KIF16B: variants seen among roughly 807,000 people sequenced by gnomAD.
The protein encoded by KIF16B is kinesin-like protein KIF16B.
In KIF16B, 98 loss-of-function variants were observed where a neutral mutation model predicts 156.3. The observed-to-expected ratio is 0.63, with a 90% CI of 0.53 to 0.74. The LOEUF (loss-of-function observed/expected upper bound fraction) is 0.74. KIF16B is among the 30% of genes least tolerant of loss of function. The pLI is 0.00. For missense variants in KIF16B, 1,421 were observed against 1,606.5 expected, an observed-to-expected ratio of 0.88 and a Z score of 1.97; for synonymous variants, 564 against 583.7, an observed-to-expected ratio of 0.97 and a Z score of 0.49.
At chr20:16,412,347 A>C (rs1600329122) in intron 15 of KIF16B, among the ~76,000 whole-genome samples, 1 of 152,084 alleles carries the variant, frequency 6.6e-6, no homozygotes, top group Admixed American at 6.6e-5. Context: ...AAGGAAATGC[A>C]GATGTACTGG....
At chr20:16,562,744 A>G (rs370053965) in intron 1 of KIF16B, among the ~76,000 whole-genome samples, 3 of 152,234 alleles carry the variant, frequency 2.0e-5, no homozygotes, top group African/African-American at 7.2e-5. Flanking sequence ...ACACACGTAT[A>G]CATTCATAAA....
intron 1 of KIF16B, among the ~76,000 whole-genome samples, chr20:16,558,645 G>A (rs2070942790): frequency 6.6e-6 from 1 of 152,256 alleles, no homozygotes; most frequent in Admixed American, 6.5e-5. Flanking sequence ...GCTCACGCCT[G>A]TAATCCCAAC....
intron 12 of KIF16B, among the ~76,000 whole-genome samples, chr20:16,492,426 A>G (rs1275501770): frequency 1.3e-5 from 2 of 152,230 alleles, no homozygotes; most frequent in African/African-American, 4.8e-5. Context: ...TAAGATCGAG[A>G]AAGGGAAAAA....
chr20:16,335,969 C>T lies in KIF16B; in HGVS notation c.3668G>A (p.Arg1223His), dbSNP rs763964794. 93 of 1,610,260 alleles carry T rather than the reference C, an allele frequency of 5.8e-5. No individual in the cohort carries two copies. Among genetic ancestry groups the T allele is most frequent in the Non-Finnish European group, 6.6e-5 (78 of 1,178,040 alleles). Reference protein sequence around the residue: ...ETWTVFRRYSRFREMHKTLKL... With the variant: ...ETWTVFRRYSHFREMHKTLKL... ...CAATGTTTTATGCATTTCTCGAAAA[C>T]GACTGTAACGCCTGAATACAGTCCA... is the stretch of plus-strand genomic sequence containing the variant. Residue 1223 changes from arginine (R) to histidine (H), a missense_variant, in exon 24 of 26, where the codon CGT becomes CAT. Transcript: ENST00000354981.
chr20:16,572,270 T>C (rs900469183), intron 1 of KIF16B, among the ~76,000 whole-genome samples: 3 of 152,232 alleles, frequency 2.0e-5, no homozygotes, highest in African/African-American at 7.2e-5. Context: ...CTTTTGATTT[T>C]ATGGCCTTCG....
chr20:16,503,065 A>C (rs2068672442), intron 10 of KIF16B, among the ~76,000 whole-genome samples: 1 of 152,146 alleles, frequency 6.6e-6, no homozygotes, highest in South Asian at 2.1e-4. Flanking sequence ...AATACAAAAA[A>C]ATTAGCCAGG....
chr20:16,447,778 T>C (rs1427712525), intron 12 of KIF16B, among the ~76,000 whole-genome samples: 3 of 152,128 alleles, frequency 2.0e-5, no homozygotes, highest in African/African-American at 7.2e-5. Flanking sequence ...AAATATTGGT[T>C]ATATGGGCCA....
chr20:16,438,391 A>G (rs539401312), intron 12 of KIF16B, among the ~76,000 whole-genome samples: 19 of 152,328 alleles, frequency 1.2e-4, no homozygotes, highest in Admixed American at 3.3e-4. Flanking sequence ...GTATAATGTT[A>G]TCATTGCTCT....
At chr20:16,352,999 T>C (rs1020549248) in intron 23 of KIF16B, among the ~76,000 whole-genome samples, 4 of 152,212 alleles carry the variant, frequency 2.6e-5, no homozygotes, top group African/African-American at 4.8e-5. Flanking sequence ...AGGACCATCA[T>C]GCGGGATAAC....
rs138452488 is a variant in KIF16B at position 16,482,750 on chromosome 20, C to T, written c.1302+11541G>A. Among the ~76,000 whole-genome samples, 313 of 152,268 alleles carry T rather than the reference C, an allele frequency of 2.1e-3. 2 individuals carry two copies. Among genetic ancestry groups the T allele is most frequent in the African/African-American group, 7.3e-3 (302 of 41,544 alleles). On this transcript the variant is annotated intron_variant, in intron 12 of 25. Transcript: ENST00000354981. Reference sequence around the variant, plus strand: ...CTTAAGAAGTAAAAGAATGCCTCAACTCATGTGCATCTCCTGTTTGCCTTG... The same window carrying T: ...CTTAAGAAGTAAAAGAATGCCTCAATTCATGTGCATCTCCTGTTTGCCTTG...
intron 3 of KIF16B, among the ~76,000 whole-genome samples, chr20:16,521,110 T>C (rs1351021865): frequency 6.6e-6 from 1 of 151,858 alleles, no homozygotes; most frequent in Non-Finnish European, 1.5e-5. Flanking sequence ...ACGACTCCTC[T>C]CCTCCAAAGA....
In KIF16B at chr20:16,281,833, G is replaced by A. The variant is rs111305709; in HGVS notation, c.3796-8422C>T. The stretch of plus-strand genomic sequence containing the variant: ...CTGGCACCATCCTCCACTGCTCAGA[G>A]TCTCTCCTTGTTCCCATGGGTGCTT... On this transcript the variant is annotated intron_variant, in intron 25 of 25. Transcript: ENST00000354981. 1.6e-3 allele frequency among the ~76,000 whole-genome samples: 236 copies of A among 152,158 alleles called. 3 individuals carry two copies. Among genetic ancestry groups the A allele is most frequent in the African/African-American group, 5.1e-3 (211 of 41,504 alleles).
chr20:16,481,043 G>A (rs908601808), intron 12 of KIF16B, among the ~76,000 whole-genome samples: 15 of 152,168 alleles, frequency 9.9e-5, no homozygotes, highest in Non-Finnish European at 1.9e-4. Context: ...CTTTAGGGCT[G>A]TGCTTTCCAA....
In KIF16B at chr20:16,389,510, C is replaced by T. The variant is rs116581531; in HGVS notation, c.1785-7763G>A. On this transcript the variant is annotated intron_variant, in intron 17 of 25. Coordinates refer to ENST00000354981, the MANE Select transcript of KIF16B (RefSeq NM_024704.5). ...CTGATGCTTCACTAGGGTTTAGTTCCGACTACAGAGGGTTCTTCAATGGTT... is the reference window on the plus strand; with the variant it reads ...CTGATGCTTCACTAGGGTTTAGTTCTGACTACAGAGGGTTCTTCAATGGTT... Among the ~76,000 whole-genome samples, 610 of 152,182 alleles carry T rather than the reference C, an allele frequency of 4.0e-3. 3 individuals are homozygous for T. The highest frequency in any genetic ancestry group is 0.014 in the African/African-American group (561 of 41,518).
chr20:16,438,525 C>T (rs2066708935), intron 12 of KIF16B, among the ~76,000 whole-genome samples: 2 of 152,182 alleles, frequency 1.3e-5, no homozygotes, highest in Admixed American at 6.5e-5. Context: ...CAGGCAACCA[C>T]TGGAGGGCTT....
At chr20:16,292,180 A>T (rs1444666436) in intron 25 of KIF16B, among the ~76,000 whole-genome samples, 2 of 152,256 alleles carry the variant, frequency 1.3e-5, no homozygotes, top group East Asian at 3.8e-4. Context: ...AATGAAAAGT[A>T]TATATGTAAA....
chr20:16,437,998 A>C (rs1448233913), intron 12 of KIF16B, among the ~76,000 whole-genome samples: 1 of 151,452 alleles, frequency 6.6e-6, no homozygotes, highest in African/African-American at 2.4e-5. Flanking sequence ...ATAAAAAAAA[A>C]AAAACAGGTG....
rs141386082 is a variant in KIF16B at position 16,453,660 on chromosome 20, T to C, written c.1303-23678A>G. Among the ~76,000 whole-genome samples the C allele has an allele frequency of 2.9e-4, 44 of 152,314 alleles. No individual in the cohort carries two copies. The East Asian group carries it at 8.3e-3, about 29-fold the overall frequency. ...AAAATGGGAGATTTATAGGAACATA[T>C]TTCACGGAAAAGGAAATGTAATTAA... On this transcript the variant is annotated intron_variant, in intron 12 of 25. Transcript: ENST00000354981.
At chr20:16,376,929 A>G (rs1198650650) in intron 19 of KIF16B, among the ~76,000 whole-genome samples, 1 of 152,216 alleles carries the variant, frequency 6.6e-6, no homozygotes, top group Non-Finnish European at 1.5e-5. Flanking sequence ...TTTCTCTGAA[A>G]TAACAGCATT....
Sources: gnomAD v4.1 joint callset for allele counts (sites outside exome capture counted in the v4.1 genomes callset) on GRCh38, gnomAD v4.1.1 for gene constraint, MANE v1.5 for transcripts, NCBI Gene and HGNC (gene_info 2026-07-23, HGNC 2026-07-21) for gene names.